GRIN2A: variants seen among roughly 807,000 people sequenced by gnomAD.
The protein encoded by GRIN2A is glutamate receptor ionotropic, NMDA 2A.
Under a neutral mutation model 113.4 loss-of-function variants are expected in GRIN2A, and 22 were observed. The ratio of observed to expected loss-of-function variants is 0.19; its 90% CI spans 0.14 to 0.28. The LOEUF is 0.28. GRIN2A is among the 10% of genes least tolerant of loss of function. GRIN2A has a pLI of 1.00. For synonymous variants in GRIN2A, 827 were observed against 738.4 expected (o/e 1.12, Z -1.94); for missense variants, 1,502 against 1,887.0 (o/e 0.80, Z 3.78).
chr16:9,997,726 G>T (rs1010157348), intron 2 of GRIN2A, among the ~76,000 whole-genome samples: 3 of 152,184 alleles, frequency 2.0e-5, no homozygotes, highest in African/African-American at 7.2e-5. Context: ...GGGACCCAGT[G>T]GGAGGTAAGT....
intron 2 of GRIN2A, among the ~76,000 whole-genome samples, chr16:10,119,215 A>G (rs1448246): frequency 0.94 from 142,473 of 152,256 alleles, 67,410 homozygotes; most frequent in East Asian, 1. Context: ...ACCCAGCAGA[A>G]TTCAGTAGGA....
At chr16:10,083,872 C>T (rs987253967) in intron 2 of GRIN2A, among the ~76,000 whole-genome samples, 1 of 152,156 alleles carries the variant, frequency 6.6e-6, no homozygotes, top group African/African-American at 2.4e-5. Flanking sequence ...GAGGCCAAGG[C>T]AGGTGGATCA....
intron 3 of GRIN2A, among the ~76,000 whole-genome samples, chr16:9,901,113 T>G (rs1227308422): frequency 6.6e-6 from 1 of 152,188 alleles, no homozygotes; most frequent in Non-Finnish European, 1.5e-5. Flanking sequence ...AAAGCAGGGA[T>G]TTTGCCTGGT....
chr16:9,830,752 T>TAA (rs1283570324), intron 8 of GRIN2A, among the ~76,000 whole-genome samples: 2 of 152,242 alleles, frequency 1.3e-5, no homozygotes, highest in Non-Finnish European at 2.9e-5. Flanking sequence ...CAGCTGTACT[T>TAA]ATAATATCCA....
At chr16:10,017,469 G>A (rs545998062) in intron 2 of GRIN2A, among the ~76,000 whole-genome samples, 1 of 152,130 alleles carries the variant, frequency 6.6e-6, no homozygotes, top group East Asian at 1.9e-4. Flanking sequence ...AAACAGCCTT[G>A]GTTGCATCTT....
At chr16:10,054,830 G>A (rs1596465934) in intron 2 of GRIN2A, among the ~76,000 whole-genome samples, 1 of 151,784 alleles carries the variant, frequency 6.6e-6, no homozygotes, top group Non-Finnish European at 1.5e-5. Flanking sequence ...GGCGGATCAT[G>A]AGGTCAGGAG....
At chr16:9,852,354 A>T (rs2042898858) in intron 4 of GRIN2A, among the ~76,000 whole-genome samples, 1 of 152,214 alleles carries the variant, frequency 6.6e-6, no homozygotes, top group Non-Finnish European at 1.5e-5. Flanking sequence ...CTAAAGTCCC[A>T]AGATAATGTA....
chr16:9,811,284 G>T (rs947906745), intron 10 of GRIN2A, among the ~76,000 whole-genome samples: 2 of 152,134 alleles, frequency 1.3e-5, no homozygotes, highest in Non-Finnish European at 2.9e-5. Context: ...AAAAGATGTT[G>T]GGTCTTCAAC....
At chr16:9,766,987 G>A (rs981710685) in intron 12 of GRIN2A, among the ~76,000 whole-genome samples, 4 of 152,194 alleles carry the variant, frequency 2.6e-5, no homozygotes, top group Non-Finnish European at 2.9e-5. Context: ...CAGTGTTTTA[G>A]ATAGATAGAG....
Position 10,080,691 on chromosome 16 carries a change from A to G in GRIN2A, c.414+99307T>C, listed in dbSNP as rs2047961950. Among the ~76,000 whole-genome samples, 2 of 152,188 alleles carry G rather than the reference A, an allele frequency of 1.3e-5. 1 individual carries two copies. Among genetic ancestry groups the G allele is most frequent in the African/African-American group, 4.8e-5 (2 of 41,454 alleles). ...GAGCGATGGAGTACAGATGAGCGCT[A>G]CTTAAAGCAATATCACCCTCACCTT... On this transcript the variant is annotated intron_variant, in intron 2 of 12. Transcript: ENST00000330684.
intron 5 of GRIN2A, among the ~76,000 whole-genome samples, chr16:9,843,829 A>T (rs75203026): frequency 0.01 from 1,539 of 152,300 alleles, 18 homozygotes; most frequent in African/African-American, 0.035. Context: ...TGCCAGCTCC[A>T]TCTCCACCAA....
At chr16:10,128,579 A>C (rs1471000453) in intron 2 of GRIN2A, among the ~76,000 whole-genome samples, 1 of 152,208 alleles carries the variant, frequency 6.6e-6, no homozygotes. Context: ...TCTAGGCTAG[A>C]GGTGGGCAGC....
At chr16:9,896,308 C>T (rs1421552819) in intron 3 of GRIN2A, among the ~76,000 whole-genome samples, 1 of 152,192 alleles carries the variant, frequency 6.6e-6, no homozygotes, top group African/African-American at 2.4e-5. Context: ...CTTGGCCTCC[C>T]AAAGTGCTGG....
intron 11 of GRIN2A, among the ~76,000 whole-genome samples, chr16:9,788,526 G>A (rs753080737): frequency 6.6e-5 from 10 of 151,986 alleles, no homozygotes; most frequent in Admixed American, 1.3e-4. Flanking sequence ...CTAAAGTGCC[G>A]GGATTACAGG....
chr16:9,978,738 T>C (rs979910899), intron 2 of GRIN2A, among the ~76,000 whole-genome samples: 2 of 152,148 alleles, frequency 1.3e-5, no homozygotes, highest in Non-Finnish European at 2.9e-5. Context: ...ACAATTGGCA[T>C]CCCTTGGAAG....
At position 9,852,532 on chromosome 16, in the gene GRIN2A, G is replaced by A. The variant is rs774442130; in HGVS notation, c.1123-2571C>T. Among the ~76,000 whole-genome samples the A allele has an allele frequency of 6.6e-5, 10 of 152,106 alleles. 1 individual carries two copies. Among genetic ancestry groups the A allele is most frequent in the Non-Finnish European group, 1.2e-4 (8 of 68,026 alleles). ...CAATAACTTCCTAAATCTTCTCCAA[G>A]TTCTACTCCCTGTTCCTGACACATC... On this transcript the variant is annotated intron_variant, in intron 4 of 12. Transcript: ENST00000330684.
intron 3 of GRIN2A, among the ~76,000 whole-genome samples, chr16:9,898,582 C>T (rs1378187766): frequency 6.6e-6 from 1 of 152,126 alleles, no homozygotes; most frequent in Non-Finnish European, 1.5e-5. Context: ...TTTAGTGTTT[C>T]TCAATTTTCG....
At chr16:10,085,554 G>C (rs1259636763) in intron 2 of GRIN2A, among the ~76,000 whole-genome samples, 1 of 152,152 alleles carries the variant, frequency 6.6e-6, no homozygotes. Flanking sequence ...GCAAACAGAA[G>C]CTAGTTCTGG....
chr16:9,784,894 C>T (rs995431999), intron 11 of GRIN2A, among the ~76,000 whole-genome samples: 5 of 152,236 alleles, frequency 3.3e-5, no homozygotes, highest in African/African-American at 1.2e-4. Context: ...CAATGAGATA[C>T]CATCTCACAC....
Sources: allele counts gnomAD v4.1 joint callset (sites outside exome capture counted in the v4.1 genomes callset), GRCh38; gene constraint gnomAD v4.1.1; transcripts MANE v1.5; gene names NCBI Gene and HGNC (gene_info 2026-07-23, HGNC 2026-07-21).